The following RIMBP2 variants were observed in gnomAD, a reference collection of about 807,000 sequenced individuals.
RIMBP2 encodes the protein RIMS binding protein 2, also known as RIMS-binding protein 2.
Under a neutral mutation model 118.6 loss-of-function variants are expected in RIMBP2, and 48 were observed. The observed-to-expected ratio is 0.40, with a 90% confidence interval of 0.32 to 0.51. The LOEUF is 0.51. Ranked by LOEUF, RIMBP2 falls within the 20% of genes least tolerant of loss-of-function variation. The pLI is 0.41. For missense variants in RIMBP2, 1,551 were observed against 1,768.3 expected (o/e 0.88, Z 2.20); for synonymous variants, 762 against 742.9 (o/e 1.03, Z -0.42).
chr12:130,663,980 T>G (rs76949057), intron 1 of RIMBP2, among the ~76,000 whole-genome samples: 12,796 of 151,512 alleles, frequency 0.084, 807 homozygotes, highest in Middle Eastern at 0.14. Flanking sequence ...GGAGGGGAGA[T>G]CTCTGTGAAG....
At chr12:130,433,156 C>G (rs943983359) in intron 14 of RIMBP2, among the ~76,000 whole-genome samples, 1 of 152,218 alleles carries the variant, frequency 6.6e-6, no homozygotes, top group East Asian at 1.9e-4. Flanking sequence ...CTTACACACA[C>G]TCTTTTCTGA....
intron 5 of RIMBP2, among the ~76,000 whole-genome samples, chr12:130,473,348 G>T (rs1190279190): frequency 6.6e-6 from 1 of 152,254 alleles, no homozygotes; most frequent in Non-Finnish European, 1.5e-5. Flanking sequence ...GACGCTGGAG[G>T]AAGAGGCCTG....
chr12:130,515,476 C>A lies in RIMBP2; in HGVS notation c.-127+2352G>T, dbSNP rs140040221. Among the ~76,000 whole-genome samples the A allele has an allele frequency of 5.3e-4, 80 of 152,262 alleles. 1 individual carries two copies. The highest frequency in any genetic ancestry group is 1.9e-3 in the African/African-American group (77 of 41,548). On this transcript the variant is annotated intron_variant, in intron 3 of 22. Transcript: ENST00000690449. Reference sequence around the variant, plus strand: ...TAAGTGGAATCAAACAGTGTTTGCCCTTTGGGACTGGCTTATTCACTTAGC... The same window carrying A: ...TAAGTGGAATCAAACAGTGTTTGCCATTTGGGACTGGCTTATTCACTTAGC...
rs545026620 is a variant in RIMBP2 at position 130,431,096 on chromosome 12, T to G, written c.2254-2759A>C. ...ATTGTGGACTTAATGAAAATGCTTTTGTAATATTGGGAGAATGGAGGTGAT... is the reference window on the plus strand; with the variant it reads ...ATTGTGGACTTAATGAAAATGCTTTGGTAATATTGGGAGAATGGAGGTGAT... On this transcript the variant is annotated intron_variant, in intron 14 of 22. Transcript: ENST00000690449. This position sits in a 1 kb window ranked among gnomAD's most constrained non-coding sequence, Gnocchi z 4.0. Among the ~76,000 whole-genome samples, 13 of 152,370 alleles carry G rather than the reference T, an allele frequency of 8.5e-5. No individual in the cohort carries two copies. The East Asian group carries it at 1.2e-3, about 14-fold the overall frequency.
intron 1 of RIMBP2, among the ~76,000 whole-genome samples, chr12:130,692,379 A>T (rs1392825242): frequency 6.6e-6 from 1 of 152,118 alleles, no homozygotes; most frequent in Non-Finnish European, 1.5e-5. Flanking sequence ...AAGCATCTTA[A>T]TTGCCTGGTT....
chr12:130,704,269 C>T (rs888668892), intron 1 of RIMBP2, among the ~76,000 whole-genome samples: 2 of 152,178 alleles, frequency 1.3e-5, no homozygotes, highest in African/African-American at 2.4e-5. Context: ...GGGCTCCTGA[C>T]GTCTTGTTTA....
chr12:130,709,092 C>T (rs1949708468), intron 1 of RIMBP2, among the ~76,000 whole-genome samples: 2 of 152,260 alleles, frequency 1.3e-5, no homozygotes, highest in South Asian at 2.1e-4. Context: ...AACAGCAGTC[C>T]GATGCATTGC....
intron 2 of RIMBP2, among the ~76,000 whole-genome samples, chr12:130,541,284 T>C (rs1262682849): frequency 6.6e-6 from 1 of 152,234 alleles, no homozygotes; most frequent in African/African-American, 2.4e-5. Flanking sequence ...AGCTACACTC[T>C]ACATGGACGC....
chr12:130,656,921 A>G (rs1209271433), intron 1 of RIMBP2, among the ~76,000 whole-genome samples: 2 of 151,950 alleles, frequency 1.3e-5, no homozygotes, highest in Non-Finnish European at 2.9e-5. Context: ...AAAAATTAAA[A>G]CGGTCTCACT....
At chr12:130,571,250 G>A (rs933314618) in intron 2 of RIMBP2, among the ~76,000 whole-genome samples, 3 of 151,908 alleles carry the variant, frequency 2.0e-5, no homozygotes, top group South Asian at 2.1e-4. Flanking sequence ...GGAAGTGGGA[G>A]GCCATGACAG....
chr12:130,703,012 A>T lies in RIMBP2; in HGVS notation c.-352+13210T>A, dbSNP rs957970331. On this transcript the variant is annotated intron_variant, in intron 1 of 22. Transcript: ENST00000690449. The surrounding 1 kb of genome is among the most constrained non-coding windows in gnomAD (Gnocchi z 5.7). ...ATGAGACTGTGATTTCCAGCAATTT[A>T]TTCATTTCAGAAAAATGCTGCTGCT... is the stretch of plus-strand genomic sequence containing the variant. 2.0e-5 allele frequency among the ~76,000 whole-genome samples: 3 copies of T among 152,114 alleles called. No homozygotes were observed. Among genetic ancestry groups the T allele is most frequent in the African/African-American group, 7.2e-5 (3 of 41,424 alleles).
At chr12:130,696,080 A>G (rs1566463912) in intron 1 of RIMBP2, among the ~76,000 whole-genome samples, 2 of 152,184 alleles carry the variant, frequency 1.3e-5, no homozygotes, top group Non-Finnish European at 2.9e-5. Flanking sequence ...CACCTACTAA[A>G]TTCCAGGAGC....
chr12:130,584,977 A>G (rs1359937422), intron 2 of RIMBP2, among the ~76,000 whole-genome samples: 1 of 152,110 alleles, frequency 6.6e-6, no homozygotes, highest in African/African-American at 2.4e-5. Flanking sequence ...TGCAGCCTCA[A>G]TCTCTTGGGC....
intron 2 of RIMBP2, among the ~76,000 whole-genome samples, chr12:130,595,021 G>T (rs978239626): frequency 1.3e-5 from 2 of 152,172 alleles, no homozygotes; most frequent in African/African-American, 2.4e-5. Flanking sequence ...CACTGCCTTC[G>T]TTATTAAGGC....
chr12:130,482,244 G>A (rs2082077478), intron 4 of RIMBP2, among the ~76,000 whole-genome samples: 1 of 152,216 alleles, frequency 6.6e-6, no homozygotes, highest in Admixed American at 6.5e-5. Flanking sequence ...TCCAGCTCCA[G>A]AGAGGACTAT....
At chr12:130,671,549 G>A (rs760814246) in intron 1 of RIMBP2, among the ~76,000 whole-genome samples, 7 of 152,114 alleles carry the variant, frequency 4.6e-5, no homozygotes, top group Non-Finnish European at 1.5e-5. Flanking sequence ...CTATGAACAC[G>A]AACCTCCCCA....
intron 1 of RIMBP2, among the ~76,000 whole-genome samples, chr12:130,641,326 G>T (rs112650895): frequency 6.8e-6 from 1 of 147,848 alleles, no homozygotes; most frequent in African/African-American, 2.5e-5. Flanking sequence ...CCGGCATCAC[G>T]GGCTGGATTT....
intron 3 of RIMBP2, among the ~76,000 whole-genome samples, chr12:130,513,217 G>T (rs2138967426): frequency 6.6e-6 from 1 of 152,202 alleles, no homozygotes; most frequent in South Asian, 2.1e-4. Context: ...TACTAACAGG[G>T]TTTGAGTGAT....
intron 2 of RIMBP2, among the ~76,000 whole-genome samples, chr12:130,599,310 T>C (rs2059736376): frequency 1.3e-5 from 2 of 152,216 alleles, no homozygotes; most frequent in African/African-American, 2.4e-5. Flanking sequence ...AGTGACATCA[T>C]TAAGAGAATG....
Sources: allele counts gnomAD v4.1 joint callset (sites outside exome capture counted in the v4.1 genomes callset), GRCh38; gene constraint gnomAD v4.1.1; non-coding constraint Gnocchi (gnomAD v3.1); transcripts MANE v1.5; gene names NCBI Gene and HGNC (gene_info 2026-07-23, HGNC 2026-07-21).